PDE8A: variants seen among roughly 807,000 people sequenced by gnomAD.
PDE8A encodes phosphodiesterase 8A.
PDE8A carries 59 observed loss-of-function variants against 105.0 expected under a neutral mutation model. The observed-to-expected ratio is 0.56, with a 90% CI of 0.46 to 0.70. PDE8A has a LOEUF of 0.70. Ranked by LOEUF, PDE8A falls within the 30% of genes least tolerant of loss-of-function variation. The pLI is 0.00. For synonymous variants in PDE8A, 355 were observed against 371.9 expected (o/e 0.95, Z 0.52); for missense variants, 1,014 against 1,045.9 (o/e 0.97, Z 0.42).
At chr15:85,097,168 T>G (rs1347810952) in intron 8 of PDE8A, among the ~76,000 whole-genome samples, 1 of 152,172 alleles carries the variant, frequency 6.6e-6, no homozygotes, top group Non-Finnish European at 1.5e-5. Flanking sequence ...TTTAAGGGCC[T>G]TGGTGATTTT....
At chr15:85,049,781 T>C (rs938547229) in intron 1 of PDE8A, among the ~76,000 whole-genome samples, 4 of 152,256 alleles carry the variant, frequency 2.6e-5, no homozygotes, top group African/African-American at 9.6e-5. Context: ...TGAATAATGC[T>C]GTTATGAACA....
At chr15:85,065,268 C>G (rs1000106553) in intron 2 of PDE8A, among the ~76,000 whole-genome samples, 2 of 138,948 alleles carry the variant, frequency 1.4e-5, no homozygotes, top group Admixed American at 1.6e-4. Context: ...AGAAAACAAC[C>G]AATTGATGAA....
At chr15:85,121,691 A>T (rs1423377887) in intron 18 of PDE8A, among the ~76,000 whole-genome samples, 1 of 152,136 alleles carries the variant, frequency 6.6e-6, no homozygotes, top group African/African-American at 2.4e-5. Flanking sequence ...TAGTATATTC[A>T]TAGAGTTGTG....
intron 12 of PDE8A, among the ~76,000 whole-genome samples, chr15:85,111,193 T>C (rs2082015914): frequency 6.6e-6 from 1 of 152,242 alleles, no homozygotes; most frequent in South Asian, 2.1e-4. Context: ...TCATATCTTT[T>C]GATTCTTAAT....
At chr15:85,061,252 G>T (rs1158747708) in intron 1 of PDE8A, among the ~76,000 whole-genome samples, 2 of 149,646 alleles carry the variant, frequency 1.3e-5, no homozygotes, top group Admixed American at 6.6e-5. Context: ...TATTTTTTTT[G>T]AGATGGCATC....
At chr15:85,118,689 C>T (rs1021489170) in intron 17 of PDE8A, among the ~76,000 whole-genome samples, 3 of 152,238 alleles carry the variant, frequency 2.0e-5, no homozygotes, top group Non-Finnish European at 2.9e-5. Context: ...CACTTTTGGG[C>T]CATGCCAAAC....
intron 1 of PDE8A, among the ~76,000 whole-genome samples, chr15:84,987,757 G>A (rs907973829): frequency 2.0e-5 from 3 of 152,038 alleles, no homozygotes; most frequent in East Asian, 1.9e-4. Context: ...GATTACAGGT[G>A]TGAGCCACCG....
chr15:85,098,107 TTTAAG>T lies in PDE8A; in HGVS notation c.941+77_941+81del, dbSNP rs762044232. 3.2e-5 allele frequency: 29 copies of T among 918,174 alleles called. No individual in the cohort carries two copies. The Middle Eastern group carries it at 1.3e-3, about 41-fold the overall frequency. 56.9% of individuals were successfully genotyped at this position (918,174 alleles called of 1,614,324 possible). A position where few individuals can be genotyped will look rare whatever the true frequency, so the allele number is the denominator to read the frequency against. On this transcript the variant is annotated intron_variant, in intron 9 of 21. Coordinates refer to ENST00000394553, the MANE Select transcript of PDE8A (RefSeq NM_002605.3). ...GTTATTGCAGAATTTGCTTTGAATA[TTTAAG>T]TTAAGGACTGCTGACAGAAGTGTCA...
chr15:85,072,792 G>C (rs2141474168), intron 3 of PDE8A, among the ~76,000 whole-genome samples: 1 of 152,244 alleles, frequency 6.6e-6, no homozygotes, highest in East Asian at 1.9e-4. Context: ...GATTCCTAAT[G>C]GTAAACCAAG....
At chr15:85,019,023 A>G (rs1393859319) in intron 1 of PDE8A, among the ~76,000 whole-genome samples, 2 of 152,180 alleles carry the variant, frequency 1.3e-5, no homozygotes, top group African/African-American at 2.4e-5. Flanking sequence ...TCCTAGCAGT[A>G]TAGTTACTTG....
At chr15:85,104,176 G>T (rs1485332058) in intron 11 of PDE8A, among the ~76,000 whole-genome samples, 1 of 152,212 alleles carries the variant, frequency 6.6e-6, no homozygotes, top group East Asian at 1.9e-4. Flanking sequence ...TAAGCATACA[G>T]AAATGAACAT....
At chr15:85,078,548 CAAAAAAAAAAAA>C (rs72174562) in intron 5 of PDE8A, among the ~76,000 whole-genome samples, 12,913 of 94,922 alleles carry the variant, frequency 0.14, 1,662 homozygotes, top group African/African-American at 0.37. Flanking sequence ...TACTCCATCT[CAAAAAAAAAAAA>C]AAAAAAAAAA....
chr15:85,052,294 T>C (rs528404954), intron 1 of PDE8A, among the ~76,000 whole-genome samples: 1 of 152,374 alleles, frequency 6.6e-6, no homozygotes, highest in African/African-American at 2.4e-5. Flanking sequence ...TGTGTGCATG[T>C]GTCTTTATAG....
chr15:85,092,333 T>TTG (rs1555477629), intron 8 of PDE8A, among the ~76,000 whole-genome samples: 9 of 151,714 alleles, frequency 5.9e-5, no homozygotes, highest in Non-Finnish European at 1.3e-4. Context: ...TTGTTGTTTT[T>TTG]TTTTGTTTTG....
At chr15:85,009,252 A>G (rs1042735978) in intron 1 of PDE8A, among the ~76,000 whole-genome samples, 3 of 152,100 alleles carry the variant, frequency 2.0e-5, no homozygotes, top group African/African-American at 4.8e-5. Context: ...TATGGAGACA[A>G]TTTTAGTTCT....
chr15:85,112,605 C>T (rs1230632855), intron 12 of PDE8A, among the ~76,000 whole-genome samples: 1 of 152,198 alleles, frequency 6.6e-6, no homozygotes, highest in African/African-American at 2.4e-5. Context: ...CGGTGTCTCT[C>T]CTTGGGCCTC....
intron 1 of PDE8A, among the ~76,000 whole-genome samples, chr15:84,982,794 C>CT (rs1285297212): frequency 6.6e-6 from 1 of 152,250 alleles, no homozygotes; most frequent in African/African-American, 2.4e-5. Flanking sequence ...CCTCACCACT[C>CT]TTTTCCCTCT....
intron 1 of PDE8A, among the ~76,000 whole-genome samples, chr15:85,009,443 T>C (rs936521299): frequency 3.9e-5 from 6 of 152,210 alleles, no homozygotes; most frequent in African/African-American, 1.4e-4. Flanking sequence ...TTCTTTGTAA[T>C]GGAATTTGTT....
At chr15:85,051,840 A>G (rs1341848707) in intron 1 of PDE8A, among the ~76,000 whole-genome samples, 1 of 151,912 alleles carries the variant, frequency 6.6e-6, no homozygotes, top group Non-Finnish European at 1.5e-5. Flanking sequence ...TTATTATTAT[A>G]CTTTAAGTTC....
Sources: allele counts gnomAD v4.1 joint callset (sites outside exome capture counted in the v4.1 genomes callset), GRCh38; gene constraint gnomAD v4.1.1; transcripts MANE v1.5; gene names NCBI Gene and HGNC (gene_info 2026-07-23, HGNC 2026-07-21).